Variants in RERE observed in about 807,000 individuals in gnomAD.
The protein encoded by RERE is arginine-glutamic acid dipeptide repeats protein.
A neutral mutation model predicts 146.1 loss-of-function variants in RERE; 40 were observed. That is an observed-to-expected ratio of 0.27 (90% CI 0.21 to 0.36). The LOEUF (loss-of-function observed/expected upper bound fraction) is 0.36. Among genes scored for constraint, RERE ranks in the 10% least tolerant of loss-of-function variants. RERE has a pLI of 1.00. For synonymous variants in RERE, 1,003 were observed against 866.0 expected, an observed-to-expected ratio of 1.16 and a Z score of -2.78; for missense variants, 1,933 against 2,138.7, an observed-to-expected ratio of 0.90 and a Z score of 1.90.
chr1:8,588,637 A>G (rs962245077), intron 4 of RERE, among the ~76,000 whole-genome samples: 29 of 152,224 alleles, frequency 1.9e-4, no homozygotes, highest in African/African-American at 6.8e-4. Context: ...TAACTAAGTA[A>G]TATCAGGAAA....
intron 6 of RERE, among the ~76,000 whole-genome samples, chr1:8,553,482 G>A (rs1645965283): frequency 6.6e-6 from 1 of 152,044 alleles, no homozygotes; most frequent in Non-Finnish European, 1.5e-5. Context: ...ACACACTCAC[G>A]CGACACTGCA....
intron 1 of RERE, among the ~76,000 whole-genome samples, chr1:8,661,904 A>C (rs1003072575): frequency 2.0e-5 from 3 of 152,220 alleles, no homozygotes; most frequent in Admixed American, 2.0e-4. Flanking sequence ...CAAAACTTTT[A>C]AAACTCATGA....
intron 4 of RERE, among the ~76,000 whole-genome samples, chr1:8,608,190 T>C (rs1646745536): frequency 6.6e-6 from 1 of 151,856 alleles, no homozygotes; most frequent in African/African-American, 2.4e-5. Flanking sequence ...CACCCAGCTG[T>C]TCAGATATTT....
chr1:8,567,025 G>A (rs1286871703), intron 4 of RERE, among the ~76,000 whole-genome samples: 2 of 152,096 alleles, frequency 1.3e-5, no homozygotes, highest in African/African-American at 2.4e-5. Flanking sequence ...TCCAGACCTC[G>A]TGATCCGCCT....
At chr1:8,687,266 T>C (rs954473297) in intron 1 of RERE, among the ~76,000 whole-genome samples, 4 of 152,230 alleles carry the variant, frequency 2.6e-5, no homozygotes, top group East Asian at 1.9e-4. Context: ...AGCTGGTCTA[T>C]ACACAAGCAG....
chr1:8,452,665 C>G (rs970606248), intron 11 of RERE, among the ~76,000 whole-genome samples: 3 of 152,142 alleles, frequency 2.0e-5, no homozygotes, highest in African/African-American at 7.2e-5. Context: ...ACAGTGGATA[C>G]AACGGTCTCA....
chr1:8,591,242 C>T (rs1368523557), intron 4 of RERE, among the ~76,000 whole-genome samples: 1 of 152,106 alleles, frequency 6.6e-6, no homozygotes, highest in Non-Finnish European at 1.5e-5. Flanking sequence ...CTATAAATAA[C>T]TTACTGATGT....
At chr1:8,769,205 G>A (rs1485796442) in intron 1 of RERE, among the ~76,000 whole-genome samples, 1 of 152,136 alleles carries the variant, frequency 6.6e-6, no homozygotes, top group African/African-American at 2.4e-5. Flanking sequence ...ACTTTGTTTT[G>A]AGGGGTAAAC....
intron 4 of RERE, among the ~76,000 whole-genome samples, chr1:8,577,178 TGAAA>T (rs1340947590): frequency 2.0e-5 from 3 of 151,466 alleles, no homozygotes; most frequent in Non-Finnish European, 2.9e-5. Flanking sequence ...AAAAAAAAGA[TGAAA>T]GAAAGAAATT....
chr1:8,358,251 C>T lies in RERE; in HGVS notation c.4284G>A (p.Gln1428=), dbSNP rs1641378908. 1 of 1,610,566 alleles carries T rather than the reference C, an allele frequency of 6.2e-7. No individual in the cohort carries two copies. The highest frequency in any genetic ancestry group is 1.1e-5 in the South Asian group (1 of 90,992). Residue 1428 remains glutamine (Q), a synonymous_variant, in exon 20 of 23, where the codon CAG becomes CAA. Transcript: ENST00000400908. ...QMFNVTPHHH[Q]HSHIHSHLHL... ...GGAGGTGGGAGTGAATGTGAGAGTG[C>T]TGGTGATGGTGCGGAGTCACGTTGA... is the stretch of plus-strand genomic sequence containing the variant.
chr1:8,564,476 T>G (rs1646116758), intron 4 of RERE, among the ~76,000 whole-genome samples: 1 of 152,236 alleles, frequency 6.6e-6, no homozygotes, highest in African/African-American at 2.4e-5. Flanking sequence ...TACTGCATCA[T>G]GTCAGCACTC....
intron 6 of RERE, among the ~76,000 whole-genome samples, chr1:8,544,114 TTGAC>T (rs1453376453): frequency 6.6e-6 from 1 of 152,214 alleles, no homozygotes; most frequent in East Asian, 1.9e-4. Flanking sequence ...TTGGAAATAA[TTGAC>T]TGGTTTCCTC....
chr1:8,370,830 G>C (rs1158302409), intron 12 of RERE, among the ~76,000 whole-genome samples: 1 of 152,220 alleles, frequency 6.6e-6, no homozygotes, highest in East Asian at 1.9e-4. Flanking sequence ...AGCTGTTGCA[G>C]AAATCAATAG....
chr1:8,544,975 T>TA (rs1212754334), intron 6 of RERE, among the ~76,000 whole-genome samples: 1 of 152,214 alleles, frequency 6.6e-6, no homozygotes, highest in Non-Finnish European at 1.5e-5. Context: ...TGTTTACCTT[T>TA]AAAAATGTGT....
chr1:8,649,893 T>G (rs899723160), intron 2 of RERE, among the ~76,000 whole-genome samples: 4 of 152,086 alleles, frequency 2.6e-5, no homozygotes, highest in African/African-American at 9.7e-5. Context: ...CTGTTCTAAG[T>G]GCTAGAAGAA....
rs1645028772 is a variant in RERE, at chr1:8,495,103, G to GCGACACAGC, written c.1055_1063dup (p.Gly352_Val354dup). 1 of 1,613,992 alleles carries GCGACACAGC rather than the reference G, an allele frequency of 6.2e-7. No individual in the cohort carries two copies. The highest frequency in any genetic ancestry group is 8.5e-7 in the Non-Finnish European group (1 of 1,179,880). ...CAGAGTGGTGTCATCCCGAGAGGCT[G>GCGACACAGC]CGACACAGCCGTCCTCTGTAGAGCC... On this transcript the variant is annotated inframe_insertion, in exon 10 of 23. Coordinates refer to ENST00000400908, the MANE Select transcript of RERE (RefSeq NM_001042681.2).
At chr1:8,372,507 C>CGTGTGTGTGTGTGT (rs6143111) in intron 12 of RERE, among the ~76,000 whole-genome samples, 13,685 of 131,560 alleles carry the variant, frequency 0.1, 920 homozygotes, top group East Asian at 0.18. Context: ...ACCATCAGGT[C>CGTGTGTGTGTGTGT]GTGTGTGTGT....
At chr1:8,649,504 C>G (rs1570563279) in intron 2 of RERE, among the ~76,000 whole-genome samples, 1 of 151,980 alleles carries the variant, frequency 6.6e-6, no homozygotes, top group East Asian at 1.9e-4. Context: ...CCGAGGTGGG[C>G]AGATCACTTG....
intron 11 of RERE, among the ~76,000 whole-genome samples, chr1:8,455,360 A>G (rs1288724786): frequency 6.6e-6 from 1 of 152,108 alleles, no homozygotes; most frequent in Non-Finnish European, 1.5e-5. Flanking sequence ...TTGTATGGGA[A>G]GGTGTGTTAG....
Sources: gnomAD v4.1 joint callset for allele counts (sites outside exome capture counted in the v4.1 genomes callset) on GRCh38, gnomAD v4.1.1 for gene constraint, MANE v1.5 for transcripts, NCBI Gene and HGNC (gene_info 2026-07-23, HGNC 2026-07-21) for gene names.